Variants in IARS1 observed in about 807,000 individuals in gnomAD.
The protein encoded by IARS1 is isoleucyl-tRNA synthetase 1.
IARS1 carries 124 observed loss-of-function variants against 168.2 expected under a neutral mutation model. The ratio of observed to expected loss-of-function variants is 0.74; its 90% CI spans 0.64 to 0.86. The LOEUF is 0.86. Among genes scored for constraint, IARS1 ranks in the 40% least tolerant of loss-of-function variants. The pLI, the probability that IARS1 is intolerant of heterozygous loss-of-function variation, is 0.00. For synonymous variants in IARS1, 532 were observed against 529.4 expected (o/e 1.00, Z -0.07); for missense variants, 1,452 against 1,515.8 (o/e 0.96, Z 0.70).
intron 4 of IARS1, 97 bp downstream of exon 4, chr9:92,287,694 T>C (rs1835664501): frequency 1.5e-6 from 2 of 1,323,326 alleles, no homozygotes; most frequent in African/African-American, 1.5e-5. Context: ...CTACAAAAAA[T>C]AAATTAATAA....
At chr9:92,273,953 T>A (rs1833448717) in intron 10 of IARS1, among the ~76,000 whole-genome samples, 1 of 152,216 alleles carries the variant, frequency 6.6e-6, no homozygotes, top group Admixed American at 6.5e-5. Context: ...GAGAGGTGGT[T>A]TACTGTAAAG....
At chr9:92,291,533 T>TTA (rs1184907526) in intron 1 of IARS1, among the ~76,000 whole-genome samples, 2 of 152,226 alleles carry the variant, frequency 1.3e-5, no homozygotes, top group Non-Finnish European at 2.9e-5. Context: ...GCTGTTTAAC[T>TTA]AACTGAAATA....
intron 20 of IARS1, chr9:92,253,775 T>C (rs1830342546): frequency 2.0e-6 from 1 of 504,754 alleles, no homozygotes; most frequent in Non-Finnish European, 3.9e-6. Flanking sequence ...CTGTAGGAAG[T>C]GCCATTTACA....
At chr9:92,275,066 G>C (rs1833600506) in intron 9 of IARS1, among the ~76,000 whole-genome samples, 1 of 152,146 alleles carries the variant, frequency 6.6e-6, no homozygotes. Context: ...CTTTGCAACA[G>C]CAATATCATC....
At chr9:92,258,316 G>A (rs1267530470) in intron 19 of IARS1, among the ~76,000 whole-genome samples, 1 of 152,198 alleles carries the variant, frequency 6.6e-6, no homozygotes, top group Non-Finnish European at 1.5e-5. Flanking sequence ...GACGAAGCTG[G>A]GTGCCGTGGC....
In IARS1 at chr9:92,245,074, A is replaced by G. The variant is rs748953202; in HGVS notation, c.2792-3T>C. The G allele has an allele frequency of 5.6e-5, 90 of 1,612,638 alleles. 2 individuals carry two copies. The Admixed American group carries it at 1.5e-3, about 27-fold the overall frequency. On this transcript the variant is annotated splice_region_variant and splice_polypyrimidine_tract_variant and intron_variant, in intron 26 of 33. Coordinates refer to ENST00000443024, the MANE Select transcript of IARS1 (RefSeq NM_002161.6). ...ATGGCCTTCCACAACAATGGTCCCTATGGAGAAGCAGCTACACTGTTAATC... is the reference window on the plus strand; with the variant it reads ...ATGGCCTTCCACAACAATGGTCCCTGTGGAGAAGCAGCTACACTGTTAATC...
chr9:92,252,216 A>G (rs571703729), intron 21 of IARS1, among the ~76,000 whole-genome samples: 1 of 152,308 alleles, frequency 6.6e-6, no homozygotes, highest in South Asian at 2.1e-4. Context: ...ACAGACAAAA[A>G]CAGTTGCTAA....
intron 25 of IARS1, among the ~76,000 whole-genome samples, chr9:92,248,836 A>G (rs1177116381): frequency 6.6e-6 from 1 of 152,164 alleles, no homozygotes; most frequent in Non-Finnish European, 1.5e-5. Context: ...TGAAAAGAAT[A>G]AACAATGAAA....
Position 92,228,430 on chromosome 9 carries a change from G to A in IARS1, c.3409+571C>T, listed in dbSNP as rs557900197. Among the ~76,000 whole-genome samples, 7 of 152,062 alleles carry A rather than the reference G, an allele frequency of 4.6e-5. No homozygotes were observed. In the South Asian group the frequency reaches 6.2e-4, roughly 14 times the overall value. On this transcript the variant is annotated intron_variant, in intron 31 of 33. Coordinates refer to ENST00000443024, the MANE Select transcript of IARS1 (RefSeq NM_002161.6). ...TGTGTTTAATAAAGTTAAAACTCAC[G>A]GTTGGGTGTGGTAGCTCACACCTGG...
chr9:92,253,236 G>C, intron 21 of IARS1, 126 bp downstream of exon 21: 1 of 678,836 alleles, frequency 1.5e-6, no homozygotes. Context: ...AAAAGGAAAA[G>C]AAAAACAAAG....
chr9:92,253,652 G>A (rs1830319979), intron 20 of IARS1, among the ~76,000 whole-genome samples, 199 bp from the exon 21 acceptor site: 1 of 152,008 alleles, frequency 6.6e-6, no homozygotes, highest in African/African-American at 2.4e-5. Context: ...AGTGTTTAGG[G>A]GTGCACACAA....
chr9:92,279,260 G>A (rs1834178192), intron 7 of IARS1, among the ~76,000 whole-genome samples: 1 of 152,176 alleles, frequency 6.6e-6, no homozygotes, highest in South Asian at 2.1e-4. Flanking sequence ...TGTAAGTGGG[G>A]ACCACAGTTT....
chr9:92,287,809 T>G lies in IARS1; in HGVS notation c.378A>C (p.Arg126Ser). ...AACATACCTTCCACTCAGCAGAATA[T>G]CTCATCACAATTGCTCGGCACTGAT... is the stretch of plus-strand genomic sequence containing the variant. ...YNNQCRAIVM[R>S]YSAEWKSTVS... Residue 126 changes from arginine to serine, a missense_variant, in exon 4 of 34, where the codon AGA becomes AGC. Coordinates refer to ENST00000443024, the MANE Select transcript of IARS1 (RefSeq NM_002161.6). The G allele has an allele frequency of 6.2e-7, 1 of 1,613,254 alleles. No homozygotes were observed. Among genetic ancestry groups the G allele is most frequent in the Non-Finnish European group, 8.5e-7 (1 of 1,179,714 alleles).
intron 1 of IARS1, among the ~76,000 whole-genome samples, chr9:92,290,206 T>C (rs1236685119): frequency 4.6e-5 from 7 of 152,222 alleles, no homozygotes; most frequent in Non-Finnish European, 1.0e-4. Flanking sequence ...CTTCAGATCT[T>C]ACCCAACACA....
intron 17 of IARS1, among the ~76,000 whole-genome samples, chr9:92,261,571 A>G (rs1255137877): frequency 6.6e-6 from 1 of 152,226 alleles, no homozygotes; most frequent in Non-Finnish European, 1.5e-5. Context: ...GTATAAGCAA[A>G]TAAGTATATG....
chr9:92,244,656 C>G (rs1828919465), intron 27 of IARS1, among the ~76,000 whole-genome samples: 1 of 152,172 alleles, frequency 6.6e-6, no homozygotes, highest in African/African-American at 2.4e-5. Context: ...TAAGAACTGG[C>G]TTAATTTCAG....
At chr9:92,212,931 T>C (rs1447303147) in intron 33 of IARS1, among the ~76,000 whole-genome samples, 1 of 152,002 alleles carries the variant, frequency 6.6e-6, no homozygotes, top group East Asian at 1.9e-4. Context: ...TTCATGAAGA[T>C]AGCTCTGGTG....
intron 31 of IARS1, among the ~76,000 whole-genome samples, chr9:92,225,227 C>G (rs921102255): frequency 1.2e-4 from 18 of 152,212 alleles, no homozygotes; most frequent in Non-Finnish European, 2.4e-4. Flanking sequence ...CTGGCAAACC[C>G]ACCATCCATG....
At chr9:92,262,888 A>T in intron 17 of IARS1, 81 bp downstream of exon 17, 1 of 981,186 alleles carries the variant, frequency 1.0e-6, no homozygotes, top group Admixed American at 1.8e-5. Context: ...CACTACAACA[A>T]AGTTGACCGC....
Sources: gnomAD v4.1 joint callset for allele counts (sites outside exome capture counted in the v4.1 genomes callset) on GRCh38, gnomAD v4.1.1 for gene constraint, MANE v1.5 for transcripts, NCBI Gene and HGNC (gene_info 2026-07-23, HGNC 2026-07-21) for gene names.